The following ARB2A variants were observed in gnomAD, a reference collection of about 807,000 sequenced individuals.
ARB2A encodes ARB2 cotranscriptional regulator A.
At chr5:93,851,550 C>G in the ARB2A span, among the ~76,000 whole-genome samples, 52 of 152,002 alleles carry the variant, frequency 3.4e-4, no homozygotes, top group African/African-American at 1.2e-3. Flanking sequence ...TGTGCTGCAC[C>G]CATTAACTCG....
At chr5:93,891,881 T>C in the ARB2A span, among the ~76,000 whole-genome samples, 2 of 152,188 alleles carry the variant, frequency 1.3e-5, no homozygotes, top group African/African-American at 2.4e-5. Context: ...ATGCATGTGC[T>C]CATTTCATCT....
At chr5:93,715,488 G>A in the ARB2A span, among the ~76,000 whole-genome samples, 455 of 152,198 alleles carry the variant, frequency 3.0e-3, 3 homozygotes, top group African/African-American at 0.011. Context: ...TAGTGTTTAC[G>A]TTAGTTCTCA....
At chr5:93,910,634 C>A in the ARB2A span, 2 of 151,300 alleles carry the variant, frequency 1.3e-5, no homozygotes, top group African/African-American at 4.8e-5. Flanking sequence ...CGAAATAGAA[C>A]ATGATAAATA....
the ARB2A span, among the ~76,000 whole-genome samples, chr5:93,705,609 ATGTGTGTGTGTG>A: frequency 1.9e-4 from 25 of 128,738 alleles, no homozygotes; most frequent in African/African-American, 2.8e-4. Context: ...TTGGGAAAAA[ATGTGTGTGTGTG>A]TGTGTGTGTG....
the ARB2A span, among the ~76,000 whole-genome samples, chr5:93,645,317 T>C: frequency 1.3e-5 from 2 of 152,168 alleles, no homozygotes; most frequent in East Asian, 3.9e-4. Flanking sequence ...CTCATGCCTG[T>C]AATCCCAGCA....
At chr5:93,792,137 T>A in the ARB2A span, among the ~76,000 whole-genome samples, 1 of 151,966 alleles carries the variant, frequency 6.6e-6, no homozygotes, top group Non-Finnish European at 1.5e-5. Context: ...GTAAAAGGGG[T>A]CACTTGCATA....
chr5:93,840,532 C>T, the ARB2A span, among the ~76,000 whole-genome samples: 6 of 152,098 alleles, frequency 3.9e-5, no homozygotes, highest in Non-Finnish European at 5.9e-5. Flanking sequence ...CTGGAAGTCA[C>T]CCTTGACATC....
chr5:93,749,109 A>G, the ARB2A span, among the ~76,000 whole-genome samples: 3 of 150,476 alleles, frequency 2.0e-5, no homozygotes, highest in African/African-American at 7.3e-5. Context: ...CTTTTTTGTC[A>G]TAAACACTTT....
chr5:93,824,746 A>T, the ARB2A span, among the ~76,000 whole-genome samples: 1 of 152,246 alleles, frequency 6.6e-6, no homozygotes, highest in Admixed American at 6.5e-5. Context: ...AACTCCTGCA[A>T]AATTACCCTT....
chr5:93,768,515 A>ATATAGTG, the ARB2A span, among the ~76,000 whole-genome samples: 1 of 150,404 alleles, frequency 6.6e-6, no homozygotes, highest in Non-Finnish European at 1.5e-5. Context: ...TAGTGTATAT[A>ATATAGTG]CATACATATA....
chr5:93,623,046 C>T, the ARB2A span, among the ~76,000 whole-genome samples: 106 of 152,094 alleles, frequency 7.0e-4, no homozygotes, highest in Middle Eastern at 6.8e-3. Context: ...ATGATATTTG[C>T]GGGTAGATCT....
At chr5:93,698,150 C>T in the ARB2A span, among the ~76,000 whole-genome samples, 12 of 152,160 alleles carry the variant, frequency 7.9e-5, no homozygotes, top group African/African-American at 2.4e-4. Flanking sequence ...GATCTCAAGA[C>T]GGAGCCTGAA....
At chr5:93,735,858 G>A in the ARB2A span, 1 of 152,066 alleles carries the variant, frequency 6.6e-6, no homozygotes, top group African/African-American at 2.4e-5. Context: ...GATGTTGTAA[G>A]CTGGGATCAG....
the ARB2A span, among the ~76,000 whole-genome samples, chr5:93,642,317 C>T: frequency 4.6e-5 from 7 of 151,792 alleles, no homozygotes; most frequent in African/African-American, 7.3e-5. Context: ...AAGTGTTCCT[C>T]CTGCCTCAGC....
chr5:93,858,646 T>C, the ARB2A span, among the ~76,000 whole-genome samples: 1 of 152,198 alleles, frequency 6.6e-6, no homozygotes, highest in African/African-American at 2.4e-5. Context: ...CATCATCTAT[T>C]TCAATGGCCT....
At chr5:93,877,637 T>A in the ARB2A span, among the ~76,000 whole-genome samples, 17 of 152,130 alleles carry the variant, frequency 1.1e-4, no homozygotes, top group Admixed American at 6.6e-5. Flanking sequence ...ATTAAATTAT[T>A]AGACAAAAAT....
chr5:93,678,688 G>A, the ARB2A span, among the ~76,000 whole-genome samples: 7 of 152,140 alleles, frequency 4.6e-5, no homozygotes, highest in South Asian at 2.1e-4. Flanking sequence ...CCCAGAAGGC[G>A]GAGGTTGCAG....
the ARB2A span, among the ~76,000 whole-genome samples, chr5:93,998,018 G>C: frequency 0.1 from 15,742 of 151,082 alleles, 916 homozygotes; most frequent in Middle Eastern, 0.16. Context: ...CACACACACA[G>C]AGAGAGAAAT....
At chr5:93,899,753 A>C in the ARB2A span, among the ~76,000 whole-genome samples, 1 of 152,214 alleles carries the variant, frequency 6.6e-6, no homozygotes, top group South Asian at 2.1e-4. Context: ...GTTAAACAGA[A>C]GAAGCCGGTT....
Sources: gnomAD v4.1 joint callset for allele counts (sites outside exome capture counted in the v4.1 genomes callset) on GRCh38, gnomAD v4.1.1 for gene constraint, MANE v1.5 for transcripts, NCBI Gene and HGNC (gene_info 2026-07-23, HGNC 2026-07-21) for gene names.